The following CNTNAP2 variants were observed in gnomAD, a reference collection of about 807,000 sequenced individuals.
The protein encoded by CNTNAP2 is contactin-associated protein-like 2.
CNTNAP2 carries 98 observed loss-of-function variants against 155.2 expected under a neutral mutation model. The ratio of observed to expected loss-of-function variants is 0.63; its 90% CI spans 0.54 to 0.75. CNTNAP2 has a LOEUF of 0.75. CNTNAP2 is among the 30% of genes least tolerant of loss of function. The pLI is 0.00. For missense variants in CNTNAP2, 1,727 were observed against 1,688.1 expected, an observed-to-expected ratio of 1.02 and a Z score of -0.40; for synonymous variants, 651 against 631.2, an observed-to-expected ratio of 1.03 and a Z score of -0.47.
intron 15 of CNTNAP2, among the ~76,000 whole-genome samples, chr7:148,045,066 G>A (rs769754979): frequency 4.6e-5 from 7 of 152,130 alleles, no homozygotes; most frequent in African/African-American, 7.2e-5. Flanking sequence ...AGTTAGGTTC[G>A]CGTGTGTTGC....
intron 1 of CNTNAP2, among the ~76,000 whole-genome samples, chr7:146,515,061 A>G (rs1196094615): frequency 1.3e-5 from 2 of 152,070 alleles, no homozygotes; most frequent in African/African-American, 2.4e-5. Flanking sequence ...TCATGCCAAG[A>G]GGATCCATGG....
At chr7:147,055,113 C>G (rs767105748) in intron 4 of CNTNAP2, among the ~76,000 whole-genome samples, 1 of 152,128 alleles carries the variant, frequency 6.6e-6, no homozygotes, top group Non-Finnish European at 1.5e-5. Flanking sequence ...TCTGAATACT[C>G]TACCCTCAGG....
intron 3 of CNTNAP2, among the ~76,000 whole-genome samples, chr7:146,901,045 A>G (rs1261832706): frequency 6.6e-6 from 1 of 151,636 alleles, no homozygotes; most frequent in Non-Finnish European, 1.5e-5. Context: ...AATAATAATA[A>G]TAATAATAAT....
At chr7:147,210,056 T>C (rs982499520) in intron 8 of CNTNAP2, among the ~76,000 whole-genome samples, 1 of 152,048 alleles carries the variant, frequency 6.6e-6, no homozygotes, top group African/African-American at 2.4e-5. Context: ...TGAAGTTTTC[T>C]TTTTCATTGT....
At chr7:146,556,696 A>G (rs1406541287) in intron 1 of CNTNAP2, among the ~76,000 whole-genome samples, 1 of 152,190 alleles carries the variant, frequency 6.6e-6, no homozygotes, top group African/African-American at 2.4e-5. Flanking sequence ...CCTTGAAACA[A>G]ACATTACCCA....
At chr7:147,706,141 T>A (rs1796311339) in intron 13 of CNTNAP2, among the ~76,000 whole-genome samples, 1 of 151,978 alleles carries the variant, frequency 6.6e-6, no homozygotes, top group Non-Finnish European at 1.5e-5. Flanking sequence ...TCTCTCCTAT[T>A]GTTTATTATA....
chr7:148,161,386 T>C (rs1361237568), intron 17 of CNTNAP2, among the ~76,000 whole-genome samples: 3 of 152,208 alleles, frequency 2.0e-5, no homozygotes, highest in Non-Finnish European at 4.4e-5. Flanking sequence ...CCACCTTTGT[T>C]ATTGTCTTCC....
chr7:146,454,921 C>T (rs1245014266), intron 1 of CNTNAP2, among the ~76,000 whole-genome samples: 1 of 152,170 alleles, frequency 6.6e-6, no homozygotes, highest in African/African-American at 2.4e-5. Flanking sequence ...CTTACTTTCT[C>T]TGAAACCAGC....
At chr7:147,200,507 G>A (rs1476128434) in intron 8 of CNTNAP2, among the ~76,000 whole-genome samples, 1 of 152,178 alleles carries the variant, frequency 6.6e-6, no homozygotes, top group East Asian at 1.9e-4. Context: ...CTTTAAAAAG[G>A]ACTGCAACCA....
chr7:148,241,154 C>T (rs1472361814), intron 20 of CNTNAP2, among the ~76,000 whole-genome samples: 1 of 152,174 alleles, frequency 6.6e-6, no homozygotes, highest in African/African-American at 2.4e-5. Flanking sequence ...TCTCTGTTGA[C>T]TTAATTTCTA....
intron 9 of CNTNAP2, among the ~76,000 whole-genome samples, chr7:147,302,722 C>A (rs1261856117): frequency 6.6e-6 from 1 of 152,154 alleles, no homozygotes; most frequent in Non-Finnish European, 1.5e-5. Context: ...GCACACATGC[C>A]TTTTAGATTC....
intron 11 of CNTNAP2, among the ~76,000 whole-genome samples, chr7:147,559,515 G>A (rs977415527): frequency 6.6e-6 from 1 of 152,174 alleles, no homozygotes; most frequent in Non-Finnish European, 1.5e-5. Context: ...TATTTGGGTA[G>A]AACAACCAAT....
At chr7:146,439,885 A>G (rs1343206417) in intron 1 of CNTNAP2, among the ~76,000 whole-genome samples, 1 of 151,562 alleles carries the variant, frequency 6.6e-6, no homozygotes, top group Non-Finnish European at 1.5e-5. Flanking sequence ...GCACTTTGGG[A>G]GGCCTACGCC....
At chr7:146,435,994 C>T (rs1796237814) in intron 1 of CNTNAP2, among the ~76,000 whole-genome samples, 2 of 152,136 alleles carry the variant, frequency 1.3e-5, no homozygotes, top group African/African-American at 4.8e-5. Context: ...CCAGTATATA[C>T]TTTCTTTTTG....
intron 1 of CNTNAP2, among the ~76,000 whole-genome samples, chr7:146,722,227 A>C (rs1166415315): frequency 1.3e-5 from 2 of 151,582 alleles, no homozygotes; most frequent in African/African-American, 4.9e-5. Context: ...GGTGCTCACT[A>C]TTTTCTGAGC....
At chr7:148,321,317 A>C (rs1395843848) in intron 21 of CNTNAP2, among the ~76,000 whole-genome samples, 2 of 152,188 alleles carry the variant, frequency 1.3e-5, no homozygotes, top group Non-Finnish European at 2.9e-5. Context: ...GCACAAAAAA[A>C]CCTTCAAAGC....
chr7:147,904,372 A>G (rs1014181783), intron 14 of CNTNAP2, among the ~76,000 whole-genome samples: 11 of 152,220 alleles, frequency 7.2e-5, no homozygotes, highest in Non-Finnish European at 1.2e-4. Flanking sequence ...AGTAACAGAT[A>G]AAGATAAGAT....
intron 1 of CNTNAP2, among the ~76,000 whole-genome samples, chr7:146,773,652 C>A (rs1209772257): frequency 6.6e-6 from 1 of 152,206 alleles, no homozygotes; most frequent in Non-Finnish European, 1.5e-5. Context: ...CCTTGGCCTC[C>A]CAAAGTGCTG....
intron 8 of CNTNAP2, among the ~76,000 whole-genome samples, chr7:147,193,952 GT>G (rs754518034): frequency 1.7e-4 from 24 of 142,384 alleles, no homozygotes; most frequent in Middle Eastern, 3.5e-3. Context: ...ATCTTAGATT[GT>G]TTTTTTTTTC....
Sources: allele counts gnomAD v4.1 joint callset (sites outside exome capture counted in the v4.1 genomes callset), GRCh38; gene constraint gnomAD v4.1.1; transcripts MANE v1.5; gene names NCBI Gene and HGNC (gene_info 2026-07-23, HGNC 2026-07-21).